The following ROBO2 variants were observed in gnomAD, a reference collection of about 807,000 sequenced individuals.
ROBO2 encodes the protein roundabout guidance receptor 2.
A neutral mutation model predicts 160.8 loss-of-function variants in ROBO2; 53 were observed. The observed-to-expected ratio is 0.33, with a 90% CI of 0.26 to 0.41. The LOEUF (loss-of-function observed/expected upper bound fraction) is 0.41. ROBO2 is among the 10% of genes least tolerant of loss of function. ROBO2 has a pLI of 1.00. For missense variants in ROBO2, 1,577 were observed against 1,722.4 expected (o/e 0.92, Z 1.49); for synonymous variants, 664 against 611.7 (o/e 1.09, Z -1.26).
intron 2 of ROBO2, among the ~76,000 whole-genome samples, chr3:76,170,399 T>C (rs2106993325): frequency 6.6e-6 from 1 of 152,332 alleles, no homozygotes; most frequent in East Asian, 1.9e-4. Flanking sequence ...TTGAGGCCAC[T>C]TAATATTAAA....
At chr3:76,775,343 T>A (rs1435426065) in intron 2 of ROBO2, among the ~76,000 whole-genome samples, 3 of 150,822 alleles carry the variant, frequency 2.0e-5, no homozygotes, top group Admixed American at 2.0e-4. Flanking sequence ...GTATTTCTTC[T>A]TAATTTGTAG....
intron 2 of ROBO2, among the ~76,000 whole-genome samples, chr3:76,486,391 T>C (rs1382119688): frequency 6.6e-6 from 1 of 152,100 alleles, no homozygotes; most frequent in African/African-American, 2.4e-5. Flanking sequence ...CAGAGGGATT[T>C]TCATCTGTCG....
chr3:76,582,075 A>G (rs1331324166), intron 2 of ROBO2, among the ~76,000 whole-genome samples: 1 of 152,166 alleles, frequency 6.6e-6, no homozygotes, highest in Non-Finnish European at 1.5e-5. Flanking sequence ...TGCCAAAGTG[A>G]AAAGGAAAAT....
At chr3:76,766,438 G>T (rs1177943744) in intron 2 of ROBO2, among the ~76,000 whole-genome samples, 2 of 151,668 alleles carry the variant, frequency 1.3e-5, no homozygotes, top group Non-Finnish European at 3.0e-5. Flanking sequence ...TTGCTGTAAA[G>T]TGTAAATAAG....
At chr3:77,645,972 T>C in intron 25 of ROBO2, 82 bp from the exon 28 acceptor site, 1 of 954,436 alleles carries the variant, frequency 1.0e-6, no homozygotes, top group East Asian at 2.6e-5. Context: ...TGATTATCTG[T>C]TGGCTTTGCT....
At chr3:77,026,909 G>A (rs1423252624) in intron 2 of ROBO2, among the ~76,000 whole-genome samples, 1 of 152,110 alleles carries the variant, frequency 6.6e-6, no homozygotes, top group African/African-American at 2.4e-5. Flanking sequence ...CAGACATTTT[G>A]ACTAAGATAA....
At chr3:76,663,674 C>A (rs949167636) in intron 2 of ROBO2, among the ~76,000 whole-genome samples, 1 of 151,988 alleles carries the variant, frequency 6.6e-6, no homozygotes, top group Non-Finnish European at 1.5e-5. Flanking sequence ...AAGAATGAGG[C>A]CAGACTCCAA....
intron 2 of ROBO2, among the ~76,000 whole-genome samples, chr3:77,202,190 A>C (rs1196451974): frequency 6.6e-6 from 1 of 152,182 alleles, no homozygotes; most frequent in Admixed American, 6.5e-5. Flanking sequence ...ACTACTGGTC[A>C]TTGAGTTTTT....
chr3:77,588,805 T>C, exon 17 of ROBO2: 2 of 1,613,602 alleles, frequency 1.2e-6, no homozygotes, highest in Non-Finnish European at 1.7e-6. Flanking sequence ...ACTGAGCAAA[T>C]CACTGATGTG....
chr3:76,674,326 T>C (rs778999711), intron 2 of ROBO2, among the ~76,000 whole-genome samples: 7 of 152,200 alleles, frequency 4.6e-5, no homozygotes, highest in South Asian at 4.2e-4. Flanking sequence ...CTGATAATCT[T>C]GGAACGGCAC....
At chr3:77,267,400 A>G (rs1292080796) in intron 2 of ROBO2, among the ~76,000 whole-genome samples, 1 of 152,186 alleles carries the variant, frequency 6.6e-6, no homozygotes, top group African/African-American at 2.4e-5. Context: ...TGATAAGTTA[A>G]TTGTTGAAAT....
chr3:77,094,954 G>A (rs1031023124), intron 1 of ROBO2, among the ~76,000 whole-genome samples: 19 of 151,978 alleles, frequency 1.3e-4, no homozygotes, highest in African/African-American at 4.6e-4. Context: ...TTGGGTATAT[G>A]ATTTGCAGAT....
intron 2 of ROBO2, among the ~76,000 whole-genome samples, chr3:76,297,130 T>C (rs1709114866): frequency 1.3e-5 from 2 of 152,202 alleles, no homozygotes; most frequent in Non-Finnish European, 2.9e-5. Context: ...ATGTGGGATT[T>C]TATATGGGCT....
chr3:76,667,679 T>G (rs920136464), intron 2 of ROBO2, among the ~76,000 whole-genome samples: 3 of 151,128 alleles, frequency 2.0e-5, no homozygotes, highest in African/African-American at 7.3e-5. Context: ...TCTTATTGTT[T>G]AGGGCTATTT....
chr3:77,501,289 TTAACTC>T (rs2087564197), intron 5 of ROBO2, among the ~76,000 whole-genome samples: 1 of 151,986 alleles, frequency 6.6e-6, no homozygotes, highest in African/African-American at 2.4e-5. Context: ...GGTTCTTACA[TTAACTC>T]TAAGCAAAAG....
At chr3:76,065,233 A>C (rs2068213505) in intron 2 of ROBO2, among the ~76,000 whole-genome samples, 1 of 152,140 alleles carries the variant, frequency 6.6e-6, no homozygotes, top group Non-Finnish European at 1.5e-5. Context: ...TTAAACAATC[A>C]TTGTGGTTGC....
intron 2 of ROBO2, among the ~76,000 whole-genome samples, chr3:76,956,403 A>G (rs1284188947): frequency 6.6e-6 from 1 of 151,850 alleles, no homozygotes; most frequent in Non-Finnish European, 1.5e-5. Flanking sequence ...TAAAAATACA[A>G]AAAATTAGCC....
rs117828935 is a variant in ROBO2, at chr3:76,621,830, G to A, written c.110-476184G>A. Among the ~76,000 whole-genome samples, 119 of 152,206 alleles carry A rather than the reference G, an allele frequency of 7.8e-4. No homozygotes were observed. The East Asian group carries it at 0.023, about 29-fold the overall frequency. ...TACACAAATACAGACTCCACAGTAT[G>A]GCAGTAATGCATAATAAAATGCCAA... On this transcript the variant is annotated intron_variant, in intron 2 of 26. Transcript: ENST00000487694.
intron 2 of ROBO2, among the ~76,000 whole-genome samples, chr3:76,333,094 T>C (rs1025970738): frequency 2.0e-5 from 3 of 152,204 alleles, no homozygotes; most frequent in Non-Finnish European, 4.4e-5. Context: ...GCCTAGTATA[T>C]GTAAACTGGT....
Sources: allele counts gnomAD v4.1 joint callset (sites outside exome capture counted in the v4.1 genomes callset), GRCh38; gene constraint gnomAD v4.1.1; transcripts MANE v1.5; gene names NCBI Gene and HGNC (gene_info 2026-07-23, HGNC 2026-07-21).